ATAD2B: variants seen among roughly 807,000 people sequenced by gnomAD.
ATAD2B encodes the protein ATPase family AAA domain containing 2B.
In ATAD2B, 40 loss-of-function variants were observed where a neutral mutation model predicts 167.6. The ratio of observed to expected loss-of-function variants is 0.24; its 90% CI spans 0.19 to 0.31. The LOEUF (loss-of-function observed/expected upper bound fraction) is 0.31, where lower values mean the gene tolerates loss of function less well. Ranked by LOEUF, ATAD2B falls within the 10% of genes least tolerant of loss-of-function variation. The pLI is 1.00. For missense variants in ATAD2B, 1,242 were observed against 1,757.2 expected (o/e 0.71, Z 5.24); for synonymous variants, 579 against 596.5 (o/e 0.97, Z 0.43).
chr2:23,810,138 CTG>C (rs1214729038), intron 18 of ATAD2B, among the ~76,000 whole-genome samples, 176 bp downstream of exon 18: 2 of 152,310 alleles, frequency 1.3e-5, no homozygotes, highest in East Asian at 3.9e-4. Context: ...ACTTAAAAAA[CTG>C]TATGCATCAA....
At chr2:23,789,353 A>T (rs1157723192) in intron 19 of ATAD2B, among the ~76,000 whole-genome samples, 2 of 152,088 alleles carry the variant, frequency 1.3e-5, no homozygotes, top group East Asian at 3.8e-4. Flanking sequence ...TAAACACTGT[A>T]TTTAATTTTT....
At chr2:23,766,602 G>A (rs1013353574) in intron 22 of ATAD2B, among the ~76,000 whole-genome samples, 3 of 152,040 alleles carry the variant, frequency 2.0e-5, no homozygotes, top group Non-Finnish European at 4.4e-5. Context: ...AAATGTTGTC[G>A]ACTGCACCAG....
At chr2:23,705,101 G>A in the ATAD2B span, among the ~76,000 whole-genome samples, 3 of 152,244 alleles carry the variant, frequency 2.0e-5, no homozygotes, top group Non-Finnish European at 4.4e-5. Context: ...TGGTGGCAGT[G>A]TGCAGAGCAC....
chr2:23,854,466 T>A (rs771804273), intron 13 of ATAD2B, among the ~76,000 whole-genome samples: 21 of 151,636 alleles, frequency 1.4e-4, no homozygotes, highest in Non-Finnish European at 2.2e-4. Flanking sequence ...TCACCTGAGG[T>A]CAGGAGTTCT....
Position 23,834,043 on chromosome 2 carries a change from C to G in ATAD2B, c.1604G>C (p.Gly535Ala), listed in dbSNP as rs763403972. ...IVSTLLALMD[G>A]LDNRGEIVVI... is the part of the protein sequence containing the mutation. ...AACAATTTCACCCCTATTATCTAAT[C>G]CATCCATAAGAGCAAGGAGGGTTGA... Residue 535 changes from glycine (G) to alanine (A), a missense_variant, in exon 14 of 28, where the codon GGA becomes GCA. Physicochemically the swap from Gly to Ala is moderately conservative, Grantham distance 60. Transcript: ENST00000238789. 1 of 1,610,766 alleles carries G rather than the reference C, an allele frequency of 6.2e-7. No individual in the cohort carries two copies. Among genetic ancestry groups the G allele is most frequent in the East Asian group, 2.2e-5 (1 of 44,826 alleles).
intron 22 of ATAD2B, among the ~76,000 whole-genome samples, chr2:23,771,876 G>A (rs1678377143): frequency 6.6e-6 from 1 of 152,108 alleles, no homozygotes; most frequent in Non-Finnish European, 1.5e-5. Context: ...TTCTCTCTGT[G>A]CAGCTTTCTT....
At chr2:23,880,074 A>G (rs982575701) in intron 7 of ATAD2B, among the ~76,000 whole-genome samples, 105 of 149,110 alleles carry the variant, frequency 7.0e-4, no homozygotes, top group African/African-American at 2.5e-3. Context: ...AAAAAAAAAG[A>G]GAGAGAGAGA....
chr2:23,771,841 G>A (rs1208097173), intron 22 of ATAD2B, among the ~76,000 whole-genome samples: 1 of 152,128 alleles, frequency 6.6e-6, no homozygotes, highest in African/African-American at 2.4e-5. Flanking sequence ...CACTAGGGTA[G>A]GACCTCCTGG....
the ATAD2B span, among the ~76,000 whole-genome samples, chr2:23,741,234 T>C: frequency 5.3e-5 from 8 of 152,212 alleles, no homozygotes; most frequent in South Asian, 6.2e-4. Flanking sequence ...AAAAAGAGCC[T>C]GCATCGCCAA....
chr2:23,760,707 C>G (rs1234576654), intron 24 of ATAD2B, among the ~76,000 whole-genome samples: 2 of 129,920 alleles, frequency 1.5e-5, no homozygotes, highest in African/African-American at 2.8e-5. Context: ...TATACACACA[C>G]ACACACACAC....
intron 15 of ATAD2B, among the ~76,000 whole-genome samples, chr2:23,826,165 A>G (rs1688221071): frequency 6.6e-6 from 1 of 152,180 alleles, no homozygotes; most frequent in African/African-American, 2.4e-5. Context: ...GCTTGAAATC[A>G]TATGTGCATT....
chr2:23,921,774 C>T (rs1456328826), intron 1 of ATAD2B, among the ~76,000 whole-genome samples: 3 of 152,048 alleles, frequency 2.0e-5, no homozygotes, highest in Non-Finnish European at 4.4e-5. Flanking sequence ...ATATATTGTA[C>T]CTATATTGTA....
At chr2:23,705,693 G>A in the ATAD2B span, among the ~76,000 whole-genome samples, 2 of 152,284 alleles carry the variant, frequency 1.3e-5, no homozygotes, top group South Asian at 2.1e-4. Flanking sequence ...TTTCAGAAAC[G>A]GGTGGAGCCT....
the ATAD2B span, among the ~76,000 whole-genome samples, chr2:23,734,316 C>A: frequency 6.6e-6 from 1 of 152,116 alleles, no homozygotes; most frequent in Non-Finnish European, 1.5e-5. Context: ...GTCACCACGC[C>A]TGGCTAATTT....
At chr2:23,721,365 C>G in the ATAD2B span, among the ~76,000 whole-genome samples, 1 of 152,178 alleles carries the variant, frequency 6.6e-6, no homozygotes, top group Non-Finnish European at 1.5e-5. Context: ...AGCTATGTGC[C>G]CATACCCGGG....
chr2:23,779,007 C>T (rs998712902), intron 22 of ATAD2B, among the ~76,000 whole-genome samples: 2 of 152,114 alleles, frequency 1.3e-5, no homozygotes, highest in African/African-American at 4.8e-5. Flanking sequence ...TCACATAGGA[C>T]CCCAGCAAGG....
At chr2:23,718,203 G>A in the ATAD2B span, among the ~76,000 whole-genome samples, 1 of 152,242 alleles carries the variant, frequency 6.6e-6, no homozygotes, top group African/African-American at 2.4e-5. Context: ...CACAGGGTGG[G>A]TTTGCCTTTT....
chr2:23,810,169 T>C (rs1229902248), intron 18 of ATAD2B, 147 bp downstream of exon 18: 12 of 665,236 alleles, frequency 1.8e-5, no homozygotes, highest in East Asian at 5.6e-5. Context: ...TTTACACTAA[T>C]ACTAGAATGC....
At chr2:23,703,872 C>T in the ATAD2B span, 5 of 1,533,794 alleles carry the variant, frequency 3.3e-6, no homozygotes, top group Non-Finnish European at 4.4e-6. Context: ...AGGTGAGAGG[C>T]TGCGGCGCCT....
Sources: allele counts gnomAD v4.1 joint callset (sites outside exome capture counted in the v4.1 genomes callset), GRCh38; gene constraint gnomAD v4.1.1; transcripts MANE v1.5; gene names NCBI Gene and HGNC (gene_info 2026-07-23, HGNC 2026-07-21).